BEND7: variants seen among roughly 807,000 people sequenced by gnomAD.
The protein encoded by BEND7 is BEN domain-containing protein 7.
A neutral mutation model predicts 50.9 loss-of-function variants in BEND7; 28 were observed. The ratio of observed to expected loss-of-function variants is 0.55; its 90% CI spans 0.41 to 0.75. The LOEUF (loss-of-function observed/expected upper bound fraction) is 0.75, where lower values mean the gene tolerates loss of function less well. Among genes scored for constraint, BEND7 ranks in the 30% least tolerant of loss-of-function variants. The pLI is 0.00. For missense variants in BEND7, 477 were observed against 491.3 expected (o/e 0.97, Z 0.28); for synonymous variants, 170 against 183.9 (o/e 0.92, Z 0.61).
intron 6 of BEND7, among the ~76,000 whole-genome samples, chr10:13,453,441 T>G (rs1413804343): frequency 1.3e-5 from 2 of 152,094 alleles, no homozygotes; most frequent in Non-Finnish European, 2.9e-5. Context: ...AAAATATTGG[T>G]AATTTCGATG....
chr10:13,492,554 T>C (rs2251467), intron 5 of BEND7, 57 bp downstream of exon 5: 310,882 of 1,595,676 alleles, frequency 0.19, 30,709 homozygotes, highest in African/African-American at 0.24. Context: ...ATAAATACTA[T>C]AAAATTCCCA....
intron 6 of BEND7, among the ~76,000 whole-genome samples, chr10:13,472,431 G>A (rs1313021446): frequency 3.3e-5 from 5 of 151,936 alleles, no homozygotes; most frequent in African/African-American, 9.7e-5. Flanking sequence ...TAAACTCGGG[G>A]CTGATATCTG....
At chr10:13,456,410 T>C (rs1156534207) in intron 6 of BEND7, among the ~76,000 whole-genome samples, 1 of 152,108 alleles carries the variant, frequency 6.6e-6, no homozygotes, top group Non-Finnish European at 1.5e-5. Flanking sequence ...AGGCCGTCTG[T>C]CATGTGGACA....
chr10:13,523,681 T>C (rs949937158), intron 2 of BEND7, among the ~76,000 whole-genome samples: 6 of 152,194 alleles, frequency 3.9e-5, no homozygotes, highest in African/African-American at 1.2e-4. Flanking sequence ...ATAAACATAA[T>C]TGAAATCTTT....
chr10:13,443,463 T>C (rs1835655454), intron 8 of BEND7: 1 of 152,692 alleles, frequency 6.5e-6, no homozygotes, highest in Non-Finnish European at 1.5e-5. Flanking sequence ...GAGTTGTACA[T>C]GGTTCTGTGA....
chr10:13,488,617 A>T (rs1251096187), intron 5 of BEND7, among the ~76,000 whole-genome samples: 1 of 152,104 alleles, frequency 6.6e-6, no homozygotes, highest in Non-Finnish European at 1.5e-5. Context: ...CCTCCCAAGT[A>T]GCTGGGATTA....
chr10:13,447,350 T>C, intron 7 of BEND7, 34 bp from the exon 8 acceptor site: 2 of 1,610,868 alleles, frequency 1.2e-6, no homozygotes, highest in Non-Finnish European at 1.7e-6. Flanking sequence ...CAAATCTCAT[T>C]AGTTCCAGGG....
In BEND7 at chr10:13,492,796, TTTTA is replaced by T; in HGVS notation, c.648_651del (p.Asn216LysfsTer15). The T allele has an allele frequency of 6.2e-7, 1 of 1,608,522 alleles. No homozygotes were observed. The highest frequency in any genetic ancestry group is 8.5e-7 in the Non-Finnish European group (1 of 1,178,868). On this transcript the variant is annotated frameshift_variant, in exon 5 of 9. Coordinates refer to ENST00000466271, the MANE Select transcript of BEND7 (RefSeq NM_001369863.1). LOFTEE classifies it high-confidence loss of function. ...ACAGTCTTTGGGGGCACTTTTTTCT[TTTTA>T]TTTCTCTTTCGTGAGACAGCAGTTC...
At chr10:13,472,579 T>C (rs1228808011) in intron 6 of BEND7, among the ~76,000 whole-genome samples, 6 of 147,982 alleles carry the variant, frequency 4.1e-5, no homozygotes, top group African/African-American at 1.5e-4. Context: ...CACTGTTAGA[T>C]TTGGGGTTGA....
chr10:13,456,654 A>G (rs11258396), intron 6 of BEND7, among the ~76,000 whole-genome samples: 125 of 152,306 alleles, frequency 8.2e-4, no homozygotes, highest in Middle Eastern at 6.8e-3. Flanking sequence ...GGGGCTGCGC[A>G]TGCTTTGAAA....
At chr10:13,524,785 A>C (rs1232490125) in intron 2 of BEND7, among the ~76,000 whole-genome samples, 1 of 152,168 alleles carries the variant, frequency 6.6e-6, no homozygotes, top group Non-Finnish European at 1.5e-5. Flanking sequence ...TCTTAACAGT[A>C]AACAGGTACT....
downstream of BEND7, among the ~76,000 whole-genome samples, chr10:13,440,041 G>A (rs1320189454): frequency 6.6e-6 from 1 of 152,202 alleles, no homozygotes; most frequent in African/African-American, 2.4e-5. Context: ...TGAGCCAGCT[G>A]TGTCCCCAGA....
At position 13,528,577 on chromosome 10, in the gene BEND7, CG is replaced by C; in HGVS notation, c.-45del. The C allele has an allele frequency of 1.3e-4, 3 of 22,326 alleles. No individual in the cohort carries two copies. The highest frequency in any genetic ancestry group is 1.5e-4 in the Non-Finnish European group (3 of 20,100). The allele number at this position is 22,326 out of a possible 1,614,324, so 1.4% of individuals were successfully genotyped here. A position where few individuals can be genotyped will look rare whatever the true frequency, so the allele number is the denominator to read the frequency against. The stretch of plus-strand genomic sequence containing the variant: ...GCGGGGGCTGAGGAGGCGGCGGCAG[CG>C]GCGGCAGCGGCAGCGGCGGCAGCGG... On this transcript the variant is annotated 5_prime_UTR_variant, in exon 1 of 9. Transcript: ENST00000466271.
intron 5 of BEND7, among the ~76,000 whole-genome samples, chr10:13,492,020 G>T (rs1198446179): frequency 6.6e-6 from 1 of 151,784 alleles, no homozygotes; most frequent in African/African-American, 2.4e-5. Flanking sequence ...TAGCAAGTCA[G>T]ATGGTTATCT....
intron 6 of BEND7, among the ~76,000 whole-genome samples, chr10:13,477,495 C>T (rs1197501560): frequency 6.6e-6 from 1 of 152,132 alleles, no homozygotes; most frequent in Non-Finnish European, 1.5e-5. Context: ...TAAAAAATCT[C>T]TACGAATAAC....
chr10:13,477,302 T>C (rs2075523037), intron 6 of BEND7, among the ~76,000 whole-genome samples: 1 of 152,236 alleles, frequency 6.6e-6, no homozygotes, highest in Admixed American at 6.5e-5. Context: ...ATTGGGACAT[T>C]ATCCCACAAG....
intron 6 of BEND7, among the ~76,000 whole-genome samples, chr10:13,466,740 C>T (rs2074286955): frequency 6.6e-6 from 1 of 152,198 alleles, no homozygotes; most frequent in Non-Finnish European, 1.5e-5. Context: ...GCGTTCCCTC[C>T]ACATGTTACT....
chr10:13,487,540 C>A (rs1296923627), intron 5 of BEND7, among the ~76,000 whole-genome samples: 1 of 151,988 alleles, frequency 6.6e-6, no homozygotes, highest in African/African-American at 2.4e-5. Context: ...GCATGCGCCA[C>A]CACGCCCGGC....
intron 6 of BEND7, among the ~76,000 whole-genome samples, chr10:13,463,380 T>G (rs1172235572): frequency 1.3e-5 from 2 of 152,080 alleles, no homozygotes; most frequent in Admixed American, 1.3e-4. Flanking sequence ...TATAAGATCT[T>G]AAGAATTATT....
Sources: gnomAD v4.1 joint callset for allele counts (sites outside exome capture counted in the v4.1 genomes callset) on GRCh38, gnomAD v4.1.1 for gene constraint, MANE v1.5 for transcripts, NCBI Gene and HGNC (gene_info 2026-07-23, HGNC 2026-07-21) for gene names.